The following ADAMTS19 variants were observed in gnomAD, a reference collection of about 807,000 sequenced individuals.
ADAMTS19 encodes the protein ADAM metallopeptidase with thrombospondin type 1 motif 19.
ADAMTS19 carries 93 observed loss-of-function variants against 153.3 expected under a neutral mutation model. The observed-to-expected ratio is 0.61, with a 90% CI of 0.51 to 0.72. The LOEUF (loss-of-function observed/expected upper bound fraction) is 0.72, where lower values mean the gene tolerates loss of function less well. ADAMTS19 is among the 30% of genes least tolerant of loss of function. The pLI is 0.00. For missense variants in ADAMTS19, 1,482 were observed against 1,552.1 expected (o/e 0.95, Z 0.76); for synonymous variants, 600 against 556.6 (o/e 1.08, Z -1.10).
chr5:129,659,010 T>C (rs1331063009), intron 15 of ADAMTS19, among the ~76,000 whole-genome samples: 1 of 152,214 alleles, frequency 6.6e-6, no homozygotes, highest in Admixed American at 6.5e-5. Flanking sequence ...GCTAATGTTA[T>C]CAGGTTTCTA....
chr5:129,516,929 C>T (rs1488126289), intron 3 of ADAMTS19, among the ~76,000 whole-genome samples: 1 of 146,592 alleles, frequency 6.8e-6, no homozygotes, highest in African/African-American at 2.5e-5. Context: ...TATAAACTTC[C>T]CCCTGAGTAC....
At chr5:129,538,867 A>G (rs1340007559) in intron 6 of ADAMTS19, among the ~76,000 whole-genome samples, 1 of 152,086 alleles carries the variant, frequency 6.6e-6, no homozygotes, top group Non-Finnish European at 1.5e-5. Context: ...TTTTAAATAT[A>G]TTGTCATATT....
At chr5:129,494,733 A>G (rs1371719387) in intron 2 of ADAMTS19, among the ~76,000 whole-genome samples, 1 of 152,180 alleles carries the variant, frequency 6.6e-6, no homozygotes, top group African/African-American at 2.4e-5. Flanking sequence ...TATATTATCG[A>G]TGGCCATATT....
intron 8 of ADAMTS19, among the ~76,000 whole-genome samples, chr5:129,618,791 C>T (rs1360628021): frequency 6.6e-6 from 1 of 151,932 alleles, no homozygotes; most frequent in East Asian, 1.9e-4. Context: ...TTATCTCAGG[C>T]TATGCATGTA....
At position 129,620,712 on chromosome 5, in the gene ADAMTS19, G is replaced by T; in HGVS notation, c.1573G>T (p.Val525Phe). ...GATTAAAGGACAGAATCTTGGTGAC[G>T]TTTCATGGTCTCGATGTAGCAAGGA... is the stretch of plus-strand genomic sequence containing the variant. ...EWIKGQNLGDVSWSRCSKEDL... is the reference protein window; with the variant it reads ...EWIKGQNLGDFSWSRCSKEDL... Residue 525 changes from valine (V) to phenylalanine (F), a missense_variant, in exon 9 of 23, where the codon GTT (valine) becomes TTT (phenylalanine). Around this residue, in one of 2 missense-constraint regions of ADAMTS19, gnomAD observed 866 missense variants for 827.7 expected, o/e 1.05. Transcript: ENST00000274487. 1 of 1,613,046 alleles carries T rather than the reference G, an allele frequency of 6.2e-7. No individual in the cohort carries two copies. The highest frequency in any genetic ancestry group is 1.1e-5 in the South Asian group (1 of 90,986).
intron 16 of ADAMTS19, among the ~76,000 whole-genome samples, chr5:129,673,446 T>A (rs1251351608): frequency 6.6e-6 from 1 of 152,172 alleles, no homozygotes; most frequent in African/African-American, 2.4e-5. Context: ...TTTCCAAATT[T>A]TTTTAGTTTT....
chr5:129,690,836 T>C lies in ADAMTS19; in HGVS notation c.2819-3884T>C, dbSNP rs142976648. ...TTTTAAAAGAAAATTATAAAAATTA[T>C]AAAGAAATTTACAAACACACACAGG... On this transcript the variant is annotated intron_variant, in intron 18 of 22. Transcript: ENST00000274487. Among the ~76,000 whole-genome samples, 269 of 152,104 alleles carry C rather than the reference T, an allele frequency of 1.8e-3. 1 individual carries two copies. The highest frequency in any genetic ancestry group is 6.2e-3 in the African/African-American group (258 of 41,558).
chr5:129,735,955 A>G (rs1757646950), intron 22 of ADAMTS19, among the ~76,000 whole-genome samples: 2 of 152,040 alleles, frequency 1.3e-5, no homozygotes, highest in African/African-American at 4.8e-5. Flanking sequence ...TATTACCAAA[A>G]TGTAAGAAGA....
chr5:129,614,055 A>G (rs1561603923), intron 8 of ADAMTS19, among the ~76,000 whole-genome samples: 1 of 152,116 alleles, frequency 6.6e-6, no homozygotes, highest in Non-Finnish European at 1.5e-5. Flanking sequence ...TAGCCTACCA[A>G]CCAAAAAAAG....
intron 3 of ADAMTS19, among the ~76,000 whole-genome samples, chr5:129,517,990 G>T (rs1294924201): frequency 1.3e-5 from 2 of 151,954 alleles, no homozygotes; most frequent in African/African-American, 2.4e-5. Flanking sequence ...CCATGAGGTT[G>T]CAAATACTAT....
At chr5:129,624,882 A>G (rs904229117) in intron 10 of ADAMTS19, among the ~76,000 whole-genome samples, 5 of 152,100 alleles carry the variant, frequency 3.3e-5, no homozygotes, top group African/African-American at 1.2e-4. Context: ...CATGTGCACA[A>G]TGTGCAGGTT....
At chr5:129,483,657 A>C (rs900267440) in intron 2 of ADAMTS19, among the ~76,000 whole-genome samples, 1 of 152,206 alleles carries the variant, frequency 6.6e-6, no homozygotes, top group South Asian at 2.1e-4. Context: ...GAAAGTGGAC[A>C]TAGGCACAGC....
intron 10 of ADAMTS19, among the ~76,000 whole-genome samples, chr5:129,635,342 G>A (rs1353929242): frequency 2.0e-5 from 3 of 152,178 alleles, no homozygotes; most frequent in African/African-American, 7.2e-5. Context: ...GTGGAAAACA[G>A]TGGGGCAATT....
chr5:129,542,504 G>C (rs1056824829), intron 6 of ADAMTS19, among the ~76,000 whole-genome samples: 4 of 152,152 alleles, frequency 2.6e-5, no homozygotes, highest in African/African-American at 9.7e-5. Context: ...TGTTCTGATT[G>C]AGAGCAGCCT....
intron 7 of ADAMTS19, among the ~76,000 whole-genome samples, chr5:129,553,679 G>GT: frequency 6.6e-6 from 1 of 152,174 alleles, no homozygotes; most frequent in East Asian, 1.9e-4. Flanking sequence ...TCTCCCTTCC[G>GT]TATCTTATGG....
chr5:129,656,699 A>G (rs1753560453), intron 14 of ADAMTS19, among the ~76,000 whole-genome samples: 1 of 152,258 alleles, frequency 6.6e-6, no homozygotes, highest in African/African-American at 2.4e-5. Context: ...TATAAAATAC[A>G]AAATATTTAC....
At chr5:129,551,783 A>T in intron 6 of ADAMTS19, 81 bp from the exon 7 acceptor site, 1 of 794,270 alleles carries the variant, frequency 1.3e-6, no homozygotes, top group Non-Finnish European at 2.0e-6. Context: ...TTAATCATAT[A>T]ACTATTAAAA....
chr5:129,465,640 C>A (rs948961900), intron 2 of ADAMTS19, among the ~76,000 whole-genome samples: 1 of 152,032 alleles, frequency 6.6e-6, no homozygotes, highest in Admixed American at 6.6e-5. Flanking sequence ...CCCATTTAGA[C>A]AAGGCAGTAT....
At chr5:129,709,591 G>T (rs879473664) in intron 21 of ADAMTS19, among the ~76,000 whole-genome samples, 5 of 152,220 alleles carry the variant, frequency 3.3e-5, no homozygotes, top group Admixed American at 6.5e-5. Flanking sequence ...AGTGTGCTTT[G>T]CATAATCAAG....
Sources: allele counts gnomAD v4.1 joint callset (sites outside exome capture counted in the v4.1 genomes callset), GRCh38; gene constraint gnomAD v4.1.1; regional missense constraint gnomAD v4.1.1; transcripts MANE v1.5; gene names NCBI Gene and HGNC (gene_info 2026-07-23, HGNC 2026-07-21).